COG5: variants seen among roughly 807,000 people sequenced by gnomAD.
COG5 encodes component of oligomeric golgi complex 5.
In COG5, 86 loss-of-function variants were observed where a neutral mutation model predicts 110.4. The observed-to-expected ratio is 0.78, with a 90% CI of 0.65 to 0.93. The LOEUF (loss-of-function observed/expected upper bound fraction) is 0.93. COG5 is among the 40% of genes least tolerant of loss of function. The probability of loss-of-function intolerance (pLI) is 0.00; values close to 1 mark genes in which losing one functional copy is unlikely to be tolerated. For synonymous variants in COG5, 360 were observed against 334.6 expected (o/e 1.08, Z -0.83); for missense variants, 1,077 against 987.0 (o/e 1.09, Z -1.22).
At chr7:107,219,177 A>T (rs965927406) in intron 19 of COG5, among the ~76,000 whole-genome samples, 3 of 152,176 alleles carry the variant, frequency 2.0e-5, no homozygotes, top group Non-Finnish European at 4.4e-5. Flanking sequence ...ACTATTATTT[A>T]AAAAAATGAA....
At chr7:107,390,740 GT>G (rs1206994972) in intron 7 of COG5, among the ~76,000 whole-genome samples, 4 of 148,530 alleles carry the variant, frequency 2.7e-5, no homozygotes, top group African/African-American at 1.0e-4. Context: ...ACTCATGATT[GT>G]CTTATCTAGG....
intron 6 of COG5, among the ~76,000 whole-genome samples, chr7:107,446,558 A>T (rs75942134): frequency 0.018 from 2,731 of 152,280 alleles, 77 homozygotes; most frequent in African/African-American, 0.061. Flanking sequence ...ATAACGATAC[A>T]TCATATTAGA....
chr7:107,441,255 C>CAAAAAA lies in COG5; in HGVS notation c.539-28629_539-28624dup, dbSNP rs551026030. On this transcript the variant is annotated intron_variant, in intron 6 of 21. Coordinates refer to ENST00000297135, the MANE Select transcript of COG5 (RefSeq NM_006348.5). Reference sequence around the variant, plus strand: ...TGGGCAACAGAGTGAGACTCCGTCTCAAAAAAAAAAAAAAAAAAAAAAGAA... The same window carrying CAAAAAA: ...TGGGCAACAGAGTGAGACTCCGTCTCAAAAAAAAAAAAAAAAAAAAAAAAAAAAGAA... Among the ~76,000 whole-genome samples the CAAAAAA allele has an allele frequency of 1.1e-3, 76 of 71,320 alleles. 1 individual carries two copies. Among genetic ancestry groups the CAAAAAA allele is most frequent in the African/African-American group, 4.0e-3 (71 of 17,586 alleles). 46.8% of individuals were successfully genotyped at this position (71,320 alleles called of 152,430 possible).
intron 6 of COG5, among the ~76,000 whole-genome samples, chr7:107,496,935 C>T (rs549390066): frequency 2.0e-5 from 3 of 152,222 alleles, no homozygotes; most frequent in East Asian, 3.9e-4. Flanking sequence ...CAAGGCCAGA[C>T]ACAGTGGCTC....
chr7:107,313,978 C>G (rs143680003), intron 11 of COG5, among the ~76,000 whole-genome samples: 2 of 152,026 alleles, frequency 1.3e-5, no homozygotes, highest in Non-Finnish European at 2.9e-5. Flanking sequence ...TAAAGTAGCA[C>G]AAAATGGGAA....
At chr7:107,404,591 G>A (rs963702008) in intron 7 of COG5, among the ~76,000 whole-genome samples, 1 of 152,054 alleles carries the variant, frequency 6.6e-6, no homozygotes, top group Admixed American at 6.6e-5. Flanking sequence ...GGATGTGAAC[G>A]ACTAATAGAA....
intron 5 of COG5, 163 bp downstream of exon 5, chr7:107,547,948 T>G (rs1802569027): frequency 4.7e-6 from 3 of 642,486 alleles, no homozygotes; most frequent in Non-Finnish European, 2.7e-6. Context: ...AGATTTGTAT[T>G]TTTTGAGCTA....
At chr7:107,419,123 C>G (rs977284664) in intron 6 of COG5, among the ~76,000 whole-genome samples, 3 of 152,050 alleles carry the variant, frequency 2.0e-5, no homozygotes, top group Admixed American at 2.0e-4. Context: ...CATACAGTTG[C>G]AGAGTGTTGC....
intron 6 of COG5, among the ~76,000 whole-genome samples, chr7:107,473,387 T>C (rs1796757615): frequency 6.6e-6 from 1 of 151,966 alleles, no homozygotes; most frequent in Admixed American, 6.6e-5. Context: ...GTTTGCCAAC[T>C]GCAAAGTTCA....
chr7:107,383,757 T>C (rs1815330320), intron 7 of COG5, among the ~76,000 whole-genome samples: 2 of 152,174 alleles, frequency 1.3e-5, no homozygotes, highest in South Asian at 4.1e-4. Context: ...TCTAATGCAT[T>C]CTGAACCCCC....
intron 14 of COG5, among the ~76,000 whole-genome samples, chr7:107,272,518 T>C (rs6960813): frequency 0.18 from 27,299 of 152,160 alleles, 2,655 homozygotes; most frequent in Non-Finnish European, 0.22. Context: ...CAAAATAAAC[T>C]TTCTAAATTA....
chr7:107,511,983 C>T (rs563156529), intron 6 of COG5, among the ~76,000 whole-genome samples: 1 of 152,256 alleles, frequency 6.6e-6, no homozygotes, highest in Admixed American at 6.5e-5. Flanking sequence ...TGAAAGCTGG[C>T]ACAAGACAGG....
intron 10 of COG5, among the ~76,000 whole-genome samples, chr7:107,329,720 C>G (rs1049396884): frequency 6.6e-6 from 1 of 151,842 alleles, no homozygotes; most frequent in Non-Finnish European, 1.5e-5. Context: ...CGAGACCCCC[C>G]CCGTTTCTAC....
intron 19 of COG5, among the ~76,000 whole-genome samples, chr7:107,218,814 T>A (rs1255658083): frequency 6.6e-6 from 1 of 152,020 alleles, no homozygotes; most frequent in Non-Finnish European, 1.5e-5. Context: ...GAGGTAACTT[T>A]TTGGATTTGA....
At chr7:107,284,459 C>T (rs951086121) in intron 12 of COG5, among the ~76,000 whole-genome samples, 2 of 152,206 alleles carry the variant, frequency 1.3e-5, no homozygotes, top group African/African-American at 4.8e-5. Context: ...CCATCCATAG[C>T]TGCCTCCCCA....
chr7:107,415,870 ATGTATG>A lies in COG5; in HGVS notation c.539-3244_539-3239del, dbSNP rs1490055108. ...TATATACACACACATACACGTATGTATGTATGTGTGTGTATATACACACACATACAC... is the reference window on the plus strand; with the variant it reads ...TATATACACACACATACACGTATGTATGTGTGTATATACACACACATACAC... On this transcript the variant is annotated intron_variant, in intron 6 of 21. Transcript: ENST00000297135. Among the ~76,000 whole-genome samples the A allele has an allele frequency of 1.4e-4, 15 of 106,316 alleles. 1 individual carries two copies. The highest frequency in any genetic ancestry group is 5.3e-4 in the African/African-American group (15 of 28,052). The allele number at this position is 106,316 out of a possible 152,430, so 69.7% of individuals were successfully genotyped here. A position where few individuals can be genotyped will look rare whatever the true frequency, so the allele number is the denominator to read the frequency against.
chr7:107,558,696 C>A (rs1803522384), intron 1 of COG5, among the ~76,000 whole-genome samples: 1 of 151,400 alleles, frequency 6.6e-6, no homozygotes, highest in Non-Finnish European at 1.5e-5. Context: ...ACCATCCTGG[C>A]TAGCACAGTG....
chr7:107,464,728 G>A (rs931238145), intron 6 of COG5, among the ~76,000 whole-genome samples: 42 of 152,090 alleles, frequency 2.8e-4, no homozygotes, highest in Admixed American at 2.5e-3. Flanking sequence ...GCCTGGGTCC[G>A]AACCAAAGAA....
chr7:107,389,027 T>G (rs1238549394), intron 7 of COG5, among the ~76,000 whole-genome samples: 1 of 152,248 alleles, frequency 6.6e-6, no homozygotes, highest in Non-Finnish European at 1.5e-5. Flanking sequence ...CTTTCTGTTG[T>G]ACATTGCAAC....
Sources: allele counts gnomAD v4.1 joint callset (sites outside exome capture counted in the v4.1 genomes callset), GRCh38; gene constraint gnomAD v4.1.1; transcripts MANE v1.5; gene names NCBI Gene and HGNC (gene_info 2026-07-23, HGNC 2026-07-21).